Variants in MAEA observed in about 807,000 individuals in gnomAD.
The protein encoded by MAEA is macrophage erythroblast attacher, E3 ubiquitin ligase, also known as E3 ubiquitin-protein transferase MAEA.
MAEA carries 22 observed loss-of-function variants against 46.2 expected under a neutral mutation model. That is an observed-to-expected ratio of 0.48 (90% confidence interval 0.34 to 0.68). The LOEUF (loss-of-function observed/expected upper bound fraction) is 0.68, where lower values mean the gene tolerates loss of function less well. Among genes scored for constraint, MAEA ranks in the 30% least tolerant of loss-of-function variants. MAEA has a pLI of 0.01. For missense variants in MAEA, 393 were observed against 558.1 expected, an observed-to-expected ratio of 0.70 and a Z score of 2.98; for synonymous variants, 246 against 222.6, an observed-to-expected ratio of 1.11 and a Z score of -0.94.
intron 1 of MAEA, among the ~76,000 whole-genome samples, chr4:1,310,475 C>T (rs940749181): frequency 3.9e-5 from 6 of 152,334 alleles, no homozygotes; most frequent in Admixed American, 6.5e-5. Context: ...ATGCCACACA[C>T]GGTGCCTGGC....
chr4:1,329,878 G>A, intron 5 of MAEA: 1 of 985,566 alleles, frequency 1.0e-6, no homozygotes, highest in Non-Finnish European at 1.2e-6. Context: ...TGCTGCCAGG[G>A]TCCCAGCCCG....
intron 1 of MAEA, among the ~76,000 whole-genome samples, chr4:1,310,366 C>T (rs1029183491): frequency 6.6e-6 from 1 of 152,246 alleles, no homozygotes; most frequent in Non-Finnish European, 1.5e-5. Flanking sequence ...TCTTTCCCGT[C>T]TTTCCTAAGC....
chr4:1,320,009 A>G (rs1358845175), intron 3 of MAEA, among the ~76,000 whole-genome samples: 2 of 151,622 alleles, frequency 1.3e-5, no homozygotes, highest in South Asian at 2.1e-4. Flanking sequence ...AACATGCAAG[A>G]AAACGCTATG....
intron 2 of MAEA, chr4:1,312,443 T>G (rs1023667173): frequency 2.4e-6 from 1 of 422,926 alleles, no homozygotes; most frequent in African/African-American, 2.1e-5. Flanking sequence ...TTTTTTTTTT[T>G]TTTTGAGACA....
rs568597671 is a variant in MAEA, at chr4:1,303,469, A to T, written c.70-8510A>T. 2.0e-4 allele frequency among the ~76,000 whole-genome samples: 31 copies of T among 151,950 alleles called. No homozygotes were observed. In the East Asian group the frequency reaches 5.2e-3, roughly 26 times the overall value. On this transcript the variant is annotated intron_variant, in intron 1 of 8. Coordinates refer to ENST00000303400, the MANE Select transcript of MAEA (RefSeq NM_001017405.3). ...GTCCATCAGTTGTGAATTCCTAAACAAATAGGTATACGAATACCACGGAAG... is the reference window on the plus strand; with the variant it reads ...GTCCATCAGTTGTGAATTCCTAAACTAATAGGTATACGAATACCACGGAAG...
intron 7 of MAEA, 175 bp downstream of exon 7, chr4:1,337,169 G>C (rs1021549858): frequency 4.4e-5 from 31 of 708,928 alleles, no homozygotes; most frequent in Non-Finnish European, 6.4e-5. Context: ...CGTGTTGAGG[G>C]GCCTCGGATG....
At chr4:1,328,953 A>G in intron 5 of MAEA, 1 of 991,938 alleles carries the variant, frequency 1.0e-6, no homozygotes, top group Non-Finnish European at 1.2e-6. Flanking sequence ...GGACACGGCC[A>G]GGGGCCCCCT....
chr4:1,301,237 C>T (rs543647498), intron 1 of MAEA, among the ~76,000 whole-genome samples: 58 of 152,342 alleles, frequency 3.8e-4, no homozygotes, highest in African/African-American at 1.2e-3. Context: ...TTTGAGGAAG[C>T]GCATCCTGAA....
chr4:1,329,512 C>T (rs1739269815), intron 5 of MAEA: 5 of 985,204 alleles, frequency 5.1e-6, no homozygotes, highest in South Asian at 9.4e-5. Context: ...GCCTCGAAGC[C>T]TCAGCAGCCA....
intron 1 of MAEA, chr4:1,309,524 T>G: frequency 7.3e-7 from 1 of 1,369,346 alleles, no homozygotes; most frequent in Non-Finnish European, 9.5e-7. Context: ...GGAGAGGGGG[T>G]GCTGCGCTCA....
At chr4:1,300,210 G>A (rs1475959470) in intron 1 of MAEA, among the ~76,000 whole-genome samples, 3 of 152,170 alleles carry the variant, frequency 2.0e-5, no homozygotes, top group Admixed American at 6.5e-5. Flanking sequence ...TGACTGCCAC[G>A]GAGCTGTTTC....
chr4:1,336,106 A>C (rs189298942), intron 6 of MAEA, among the ~76,000 whole-genome samples: 5 of 152,316 alleles, frequency 3.3e-5, no homozygotes, highest in Admixed American at 1.3e-4. Flanking sequence ...TTGAAATCAG[A>C]GTTAAGTCAG....
Position 1,338,463 on chromosome 4 carries a change from G to A in MAEA, c.941G>A (p.Cys314Tyr). 1 of 1,613,108 alleles carries A rather than the reference G, an allele frequency of 6.2e-7. No individual in the cohort carries two copies. The highest frequency in any genetic ancestry group is 8.5e-7 in the Non-Finnish European group (1 of 1,179,984). Residue 314 changes from cysteine (C) to tyrosine (Y), a missense_variant, in exon 8 of 9, where the codon TGC (cysteine) becomes TAC (tyrosine). Transcript: ENST00000303400. ...KEDGSSKSPDCPVCSRSLNKL... is the reference protein window; with the variant it reads ...KEDGSSKSPDYPVCSRSLNKL... Reference sequence around the variant, plus strand: ...GACGGCAGCTCCAAGAGCCCTGACTGCCCTGTGTGCAGCCGCTCCCTGAAC... The same window carrying A: ...GACGGCAGCTCCAAGAGCCCTGACTACCCTGTGTGCAGCCGCTCCCTGAAC...
intron 6 of MAEA, among the ~76,000 whole-genome samples, chr4:1,336,644 T>C (rs1055251553): frequency 1.3e-5 from 2 of 152,230 alleles, no homozygotes; most frequent in South Asian, 4.1e-4. Flanking sequence ...TCCCGCAGCA[T>C]GTTGAAATCA....
intron 2 of MAEA, among the ~76,000 whole-genome samples, chr4:1,312,868 C>T (rs760281509): frequency 4.6e-5 from 7 of 152,210 alleles, no homozygotes; most frequent in African/African-American, 1.4e-4. Flanking sequence ...CTTGAAACGT[C>T]GCACTGAAAA....
intron 1 of MAEA, among the ~76,000 whole-genome samples, chr4:1,297,187 A>T (rs1382974456): frequency 6.6e-6 from 1 of 152,228 alleles, no homozygotes; most frequent in Non-Finnish European, 1.5e-5. Flanking sequence ...GTTGACAGCG[A>T]TGTCCCCCGG....
chr4:1,330,543 C>A (rs1466833749), intron 5 of MAEA: 2 of 112,482 alleles, frequency 1.8e-5, no homozygotes, highest in Admixed American at 8.4e-5. Context: ...TCTCAAACTC[C>A]TGACCTTGTG....
chr4:1,305,552 C>T (rs1577151603), intron 1 of MAEA, among the ~76,000 whole-genome samples: 1 of 152,130 alleles, frequency 6.6e-6, no homozygotes, highest in East Asian at 1.9e-4. Context: ...GGTGTCTTTA[C>T]CTTTTAAAGA....
At chr4:1,298,591 T>A (rs1274413622) in intron 1 of MAEA, among the ~76,000 whole-genome samples, 2 of 152,204 alleles carry the variant, frequency 1.3e-5, no homozygotes, top group Non-Finnish European at 2.9e-5. Flanking sequence ...AGACCCATGA[T>A]GGATTCTTGC....
Sources: gnomAD v4.1 joint callset for allele counts (sites outside exome capture counted in the v4.1 genomes callset) on GRCh38, gnomAD v4.1.1 for gene constraint, MANE v1.5 for transcripts, NCBI Gene and HGNC (gene_info 2026-07-23, HGNC 2026-07-21) for gene names.